COL5A1: variants seen among roughly 807,000 people sequenced by gnomAD.
COL5A1 encodes the protein collagen type V alpha 1 chain.
Under a neutral mutation model 263.7 loss-of-function variants are expected in COL5A1, and 16 were observed. The observed-to-expected ratio is 0.06, with a 90% CI of 0.04 to 0.09. The LOEUF (loss-of-function observed/expected upper bound fraction) is 0.09. COL5A1 is among the 10% of genes least tolerant of loss of function. The pLI is 1.00. For missense variants in COL5A1, 2,036 were observed against 2,540.5 expected (o/e 0.80, Z 4.27); for synonymous variants, 1,012 against 1,004.5 (o/e 1.01, Z -0.14).
chr9:134,732,417 C>T, intron 9 of COL5A1: 1 of 567,926 alleles, frequency 1.8e-6, no homozygotes, highest in South Asian at 2.0e-5. Flanking sequence ...TCAGTTTCAC[C>T]TGGGATGAAA....
At chr9:134,723,197 A>C (rs1257891487) in intron 4 of COL5A1, among the ~76,000 whole-genome samples, 1 of 152,090 alleles carries the variant, frequency 6.6e-6, no homozygotes, top group Non-Finnish European at 1.5e-5. Flanking sequence ...ACGACCGCCA[A>C]CCCTCAGCTG....
At chr9:134,723,757 G>A (rs1055532133) in intron 4 of COL5A1, among the ~76,000 whole-genome samples, 4 of 152,196 alleles carry the variant, frequency 2.6e-5, no homozygotes, top group East Asian at 3.9e-4. Context: ...CAGTAGTGCC[G>A]AGAAAGGTGG....
intron 5 of COL5A1, among the ~76,000 whole-genome samples, chr9:134,727,673 G>C (rs891898198): frequency 6.6e-6 from 1 of 152,118 alleles, no homozygotes; most frequent in Non-Finnish European, 1.5e-5. Flanking sequence ...CTCACGCTTG[G>C]GCTTGACCTT....
intron 61 of COL5A1, 120 bp downstream of exon 61, chr9:134,823,589 C>T (rs933443713): frequency 9.2e-7 from 1 of 1,086,314 alleles, no homozygotes; most frequent in Admixed American, 1.9e-5. Context: ...TGTGGCATGC[C>T]CGGGCCTTGT....
chr9:134,712,857 C>A (rs540717436), intron 4 of COL5A1, among the ~76,000 whole-genome samples: 1 of 151,946 alleles, frequency 6.6e-6, no homozygotes, highest in African/African-American at 2.4e-5. Context: ...GACCAGGTCT[C>A]CCCTGGACGC....
rs925964845 is a variant in COL5A1 at position 134,742,199 on chromosome 9, C to T, written c.1494+3391C>T. Among the ~76,000 whole-genome samples, 1 of 152,234 alleles carries T rather than the reference C, an allele frequency of 6.6e-6. No homozygotes were observed. Among genetic ancestry groups the T allele is most frequent in the African/African-American group, 2.4e-5 (1 of 41,474 alleles). ...GGATGACCTTCCATGCTGCATCTGC[C>T]TTCTAGCACCTCAAATCCTTTCTTG... is the stretch of plus-strand genomic sequence containing the variant. On this transcript the variant is annotated intron_variant, in intron 11 of 65. Transcript: ENST00000371817. The surrounding 1 kb of genome is among the most constrained non-coding windows in gnomAD (Gnocchi z 4.6).
At position 134,767,345 on chromosome 9, in the gene COL5A1, A is replaced by C; in HGVS notation, c.2223A>C (p.Pro741=). 6.2e-7 allele frequency: 1 copy of C among 1,614,040 alleles called. No individual in the cohort carries two copies. The highest frequency in any genetic ancestry group is 8.5e-7 in the Non-Finnish European group (1 of 1,180,010). The change falls in exon 24 of 66, where the codon CCA becomes CCC. Residue 741 remains proline, a synonymous_variant. Coordinates refer to ENST00000371817, the MANE Select transcript of COL5A1 (RefSeq NM_000093.5). ...GCCCCCAGGGTGCAATTGGTCCTCC[A>C]GGAGAAAAGGTAGGTGGGCCTGGGC... is the stretch of plus-strand genomic sequence containing the variant. ...LPGPQGAIGP[P]GEKGPLGKPG... is the part of the protein sequence containing the mutation.
At position 134,648,914 on chromosome 9, in the gene COL5A1, C is replaced by T. The variant is rs571170575; in HGVS notation, c.109+6618C>T. ...GCCAAGTTCAGCCCGCAGAGTGGCC[C>T]TCCCCTGCCTCCTCTGGCCACTTGC... On this transcript the variant is annotated intron_variant, in intron 1 of 65. Transcript: ENST00000371817. Among the ~76,000 whole-genome samples, 285 of 152,314 alleles carry T rather than the reference C, an allele frequency of 1.9e-3. 1 individual carries two copies. Among genetic ancestry groups the T allele is most frequent in the Middle Eastern group, 6.8e-3 (2 of 294 alleles).
Position 134,642,142 on chromosome 9 carries a change from CGCGCCTCCGAGCGCCCCTGT to C in COL5A1, c.-40_-21del, listed in dbSNP as rs1181523665. ...TGACCCGCGCCCCTGTGCGTCCCCG[CGCGCCTCCGAGCGCCCCTGT>C]GCGCCCCGGCCCGCGCCCCGCCGGC... On this transcript the variant is annotated 5_prime_UTR_variant, in exon 1 of 66. Coordinates refer to ENST00000371817, the MANE Select transcript of COL5A1 (RefSeq NM_000093.5). This position sits in a 1 kb window ranked among gnomAD's most constrained non-coding sequence, Gnocchi z 4.5. The C allele has an allele frequency of 8.1e-7, 1 of 1,236,678 alleles. No homozygotes were observed. The highest frequency in any genetic ancestry group is 1.0e-6 in the Non-Finnish European group (1 of 993,606). 76.6% of individuals were successfully genotyped at this position (1,236,678 alleles called of 1,614,324 possible).
At position 134,785,024 on chromosome 9, in the gene COL5A1, T is replaced by G. The variant is rs958840492; in HGVS notation, c.2520T>G (p.Asp840Glu). ...EIGPPGPRGE[D>E]GPEGPKGRGG... ...GCCCACCCGGTCCCAGGGGAGAAGA[T>G]GGCCCTGAAGGCCCAAAGGGTCGCG... The change falls in exon 30 of 66, where the codon GAT (aspartate) becomes GAG (glutamate). Residue 840 changes from aspartate (D) to glutamate (E), a missense_variant. Physicochemically the swap from Asp to Glu is conservative, Grantham distance 45 (BLOSUM62 2). Around this residue, in one of 3 missense-constraint regions of COL5A1, gnomAD observed 1,078 missense variants for 1,521.4 expected, o/e 0.71. Transcript: ENST00000371817. 2 of 1,613,286 alleles carry G rather than the reference T, an allele frequency of 1.2e-6. No homozygotes were observed. The highest frequency in any genetic ancestry group is 2.7e-5 in the African/African-American group (2 of 74,920).
chr9:134,792,918 T>C (rs1215845012), intron 32 of COL5A1, among the ~76,000 whole-genome samples: 5 of 34,974 alleles, frequency 1.4e-4, no homozygotes, highest in Middle Eastern at 0.018. Flanking sequence ...CGCGTGTGTG[T>C]GCGCATGTGT....
At position 134,817,799 on chromosome 9, in the gene COL5A1, C is replaced by T. The variant is rs765217611; in HGVS notation, c.4198C>T (p.Pro1400Ser). 1.4e-5 allele frequency: 22 copies of T among 1,612,002 alleles called. No individual in the cohort carries two copies. The highest frequency in any genetic ancestry group is 1.9e-5 in the Non-Finnish European group (22 of 1,179,150). Residue 1400 changes from proline to serine, a missense_variant, in exon 54 of 66, where the codon CCC (proline) becomes TCC (serine). Physicochemically the swap from Pro to Ser is moderately conservative, Grantham distance 74. Transcript: ENST00000371817. ...TCAGGGTCCCCCAGGCCCCGCAGGCCCCGAAGGCAGACAGGGAGAGAAAGG... is the reference window on the plus strand; with the variant it reads ...TCAGGGTCCCCCAGGCCCCGCAGGCTCCGAAGGCAGACAGGGAGAGAAAGG... ...GKRGPPGPAG[P>S]EGRQGEKGAK...
chr9:134,748,363 A>G (rs185949355), intron 11 of COL5A1, among the ~76,000 whole-genome samples: 25 of 152,192 alleles, frequency 1.6e-4, no homozygotes, highest in Admixed American at 1.4e-3. Context: ...ACATGCACAT[A>G]CATACACTTA....
Position 134,652,982 on chromosome 9 carries a change from G to A in COL5A1, c.109+10686G>A, listed in dbSNP as rs931907376. The A allele has an allele frequency of 2.5e-5, 7 of 282,294 alleles. No homozygotes were observed. Among genetic ancestry groups the A allele is most frequent in the African/African-American group, 8.9e-5 (4 of 44,858 alleles). 17.5% of individuals were successfully genotyped at this position (282,294 alleles called of 1,614,324 possible). A position where few individuals can be genotyped will look rare whatever the true frequency, so the allele number is the denominator to read the frequency against. ...CTTTGCAAACCACGAGTCGTTCTGCGTCCTCGAGCCCAGGGTCTTGGATTT... is the reference window on the plus strand; with the variant it reads ...CTTTGCAAACCACGAGTCGTTCTGCATCCTCGAGCCCAGGGTCTTGGATTT... On this transcript the variant is annotated intron_variant, in intron 1 of 65. Transcript: ENST00000371817. This position sits in a 1 kb window ranked among gnomAD's most constrained non-coding sequence, Gnocchi z 4.4.
chr9:134,801,651 A>G (rs548522428), intron 37 of COL5A1, among the ~76,000 whole-genome samples: 71 of 152,198 alleles, frequency 4.7e-4, no homozygotes, highest in Non-Finnish European at 9.0e-4. Flanking sequence ...GCCAGGTGTG[A>G]TGGTGTGTGC....
At position 134,789,702 on chromosome 9, in the gene COL5A1, G is replaced by A. The variant is rs985706406; in HGVS notation, c.2700+494G>A. Among the ~76,000 whole-genome samples, 6 of 152,222 alleles carry A rather than the reference G, an allele frequency of 3.9e-5. No individual in the cohort carries two copies. The highest frequency in any genetic ancestry group is 1.4e-4 in the African/African-American group (6 of 41,452). On this transcript the variant is annotated intron_variant, in intron 32 of 65. Coordinates refer to ENST00000371817, the MANE Select transcript of COL5A1 (RefSeq NM_000093.5). The surrounding 1 kb of genome is among the most constrained non-coding windows in gnomAD (Gnocchi z 4.8). ...TCATAAACACCCACCAGCTTGCAGT[G>A]TGGTTTGAGTCCCCTTTGTCCTCAC...
intron 62 of COL5A1, among the ~76,000 whole-genome samples, chr9:134,825,331 C>G (rs187658803): frequency 6.6e-6 from 1 of 152,222 alleles, no homozygotes; most frequent in African/African-American, 2.4e-5. Context: ...CTTCTCCTCA[C>G]CATCATAGCC....
chr9:134,810,099 CA>C (rs1162031228), intron 43 of COL5A1, among the ~76,000 whole-genome samples, 155 bp from the exon 44 acceptor site: 6 of 152,240 alleles, frequency 3.9e-5, no homozygotes, highest in African/African-American at 1.4e-4. Context: ...AAAAGGAAAT[CA>C]AGCTAATATA....
intron 1 of COL5A1, among the ~76,000 whole-genome samples, chr9:134,685,529 TCCACC>T: frequency 1.5e-5 from 2 of 134,748 alleles, no homozygotes; most frequent in Admixed American, 1.5e-4. Flanking sequence ...CATCCATCCA[TCCACC>T]ATCCATCCAT....
Sources: gnomAD v4.1 joint callset for allele counts (sites outside exome capture counted in the v4.1 genomes callset) on GRCh38, gnomAD v4.1.1 for gene constraint, gnomAD v4.1.1 regional missense constraint, Gnocchi (gnomAD v3.1) non-coding constraint, MANE v1.5 for transcripts, NCBI Gene and HGNC (gene_info 2026-07-23, HGNC 2026-07-21) for gene names.